OPHN1: variants seen among roughly 807,000 people sequenced by gnomAD.
OPHN1 encodes oligophrenin-1.
OPHN1 carries 11 observed loss-of-function variants against 60.7 expected under a neutral mutation model. The observed-to-expected ratio is 0.18, with a 90% confidence interval of 0.11 to 0.30. The LOEUF (loss-of-function observed/expected upper bound fraction) is 0.30, where lower values mean the gene tolerates loss of function less well. OPHN1 is among the 10% of genes least tolerant of loss of function. The pLI, the probability that OPHN1 is intolerant of heterozygous loss-of-function variation, is 1.00. For synonymous variants in OPHN1, 226 were observed against 222.6 expected (o/e 1.02, Z -0.14); for missense variants, 449 against 611.0 (o/e 0.73, Z 2.80).
rs993515502 is a variant in OPHN1 at position 68,339,743 on chromosome X, T to C, written c.155-40647A>G. On this transcript the variant is annotated intron_variant, in intron 2 of 24. Coordinates refer to ENST00000355520, the MANE Select transcript of OPHN1 (RefSeq NM_002547.3). The stretch of plus-strand genomic sequence containing the variant: ...TCAGCCTCCCAGGTAGCTGGAATTA[T>C]AGGCATGTGCCACCGTGCCCAGCTA... Among the ~76,000 whole-genome samples the C allele has an allele frequency of 2.7e-5, 3 of 111,294 alleles. No homozygotes were observed. The Admixed American group carries it at 2.9e-4, about 11-fold the overall frequency.
intron 15 of OPHN1, among the ~76,000 whole-genome samples, chrX:68,162,395 T>C (rs1000323931): frequency 5.5e-5 from 6 of 110,032 alleles, no homozygotes; most frequent in Admixed American, 9.8e-5. Flanking sequence ...AAATTAATAG[T>C]AATAAAATAA....
chrX:68,304,417 G>C (rs1391074124), intron 2 of OPHN1, among the ~76,000 whole-genome samples: 6 of 110,151 alleles, frequency 5.4e-5, no homozygotes, highest in Non-Finnish European at 1.1e-4. Flanking sequence ...GGTGATTAAT[G>C]ATATAAATGT....
At chrX:68,096,777 C>A in intron 19 of OPHN1, 93 bp downstream of exon 19, 1 of 912,039 alleles carries the variant, frequency 1.1e-6, no homozygotes, top group South Asian at 2.0e-5. Context: ...TCACTGTCAA[C>A]GTGAGCCAAG....
rs745504310 is a variant in OPHN1 at position 68,119,122 on chromosome X, T to C, written c.1361+126A>G. On this transcript the variant is annotated intron_variant, in intron 16 of 24. Transcript: ENST00000355520. ...TGCACATTCTTGGCCAGAAATCCTC[T>C]TCACATGTTTTTTCTTAAGCAATTC... 1.1e-3 allele frequency: 551 copies of C among 509,883 alleles called. 4 individuals are homozygous for C. In the African/African-American group the frequency reaches 0.012, roughly 11 times the overall value. The allele number at this position is 509,883 out of a possible 1,213,427, so 42.0% of individuals were successfully genotyped here. A position where few individuals can be genotyped will look rare whatever the true frequency, so the allele number is the denominator to read the frequency against.
chrX:68,263,034 G>T (rs944700044), intron 5 of OPHN1, among the ~76,000 whole-genome samples: 15 of 112,011 alleles, frequency 1.3e-4, no homozygotes, highest in African/African-American at 4.9e-4. Flanking sequence ...TGTTATAAAA[G>T]ACATGTTGCC....
intron 2 of OPHN1, among the ~76,000 whole-genome samples, chrX:68,409,551 T>C (rs981783884): frequency 2.7e-5 from 3 of 111,908 alleles, no homozygotes; most frequent in African/African-American, 9.7e-5. Context: ...CAGCTGGAGA[T>C]GATCCAGAAA....
chrX:68,192,094 A>G (rs1303854280), intron 15 of OPHN1, among the ~76,000 whole-genome samples: 1 of 111,446 alleles, frequency 9.0e-6, no homozygotes, highest in African/African-American at 3.3e-5. Context: ...AAACATATTA[A>G]AAAAAAAGAA....
chrX:68,142,651 C>T (rs1168968021), intron 15 of OPHN1, among the ~76,000 whole-genome samples: 1 of 112,049 alleles, frequency 8.9e-6, no homozygotes, highest in Admixed American at 9.5e-5. Flanking sequence ...TTTGACTTAA[C>T]CTCTGGGATG....
chrX:68,405,483 G>A (rs1435107771), intron 2 of OPHN1, among the ~76,000 whole-genome samples: 1 of 111,710 alleles, frequency 9.0e-6, no homozygotes, highest in African/African-American at 3.3e-5. Flanking sequence ...GAGCTACCAT[G>A]CCTGGCCCAT....
intron 5 of OPHN1, among the ~76,000 whole-genome samples, chrX:68,260,758 T>G (rs1388720930): frequency 8.9e-6 from 1 of 111,879 alleles, no homozygotes; most frequent in Non-Finnish European, 1.9e-5. Flanking sequence ...TGATCTTCCC[T>G]GCTAATGCAC....
chrX:68,343,688 G>GA lies in OPHN1; in HGVS notation c.155-44593dup, dbSNP rs774860339. On this transcript the variant is annotated intron_variant, in intron 2 of 24. Transcript: ENST00000355520. The stretch of plus-strand genomic sequence containing the variant: ...AAAGTCTCCTTAAGGGGATGATAAT[G>GA]AAAAAAAAAAGGTTGTGAAACACTG... Among the ~76,000 whole-genome samples the GA allele has an allele frequency of 3.9e-4, 41 of 104,771 alleles. 1 individual carries two copies. The highest frequency in any genetic ancestry group is 2.1e-3 in the Admixed American group (20 of 9,654). 91.0% of individuals were successfully genotyped at this position (104,771 alleles called of 115,157 possible). A position where few individuals can be genotyped will look rare whatever the true frequency, so the allele number is the denominator to read the frequency against.
At chrX:68,075,102 G>A (rs1015823867) in intron 19 of OPHN1, among the ~76,000 whole-genome samples, 1 of 112,498 alleles carries the variant, frequency 8.9e-6, no homozygotes, top group African/African-American at 3.2e-5. Flanking sequence ...AAATCCAGCA[G>A]TGAAGGACAG....
chrX:68,078,204 G>T (rs1340058549), intron 19 of OPHN1, among the ~76,000 whole-genome samples: 1 of 111,190 alleles, frequency 9.0e-6, no homozygotes, highest in Non-Finnish European at 1.9e-5. Context: ...ACTGTGGAAG[G>T]GGGGTTGGCA....
chrX:68,297,595 A>C (rs2078101776), intron 3 of OPHN1, among the ~76,000 whole-genome samples: 1 of 112,288 alleles, frequency 8.9e-6, no homozygotes, highest in South Asian at 3.7e-4. Flanking sequence ...GAAATAAGCT[A>C]TATTTCCAAG....
chrX:68,221,625 C>T (rs2147502024), intron 6 of OPHN1, among the ~76,000 whole-genome samples: 1 of 86,645 alleles, frequency 1.2e-5, no homozygotes, highest in South Asian at 7.1e-4. Flanking sequence ...AATAATGCCG[C>T]ATACCTACAA....
intron 12 of OPHN1, among the ~76,000 whole-genome samples, chrX:68,196,027 C>T (rs1848233669): frequency 8.9e-6 from 1 of 112,005 alleles, no homozygotes; most frequent in African/African-American, 3.2e-5. Context: ...TGAAAGAGTT[C>T]AGCAGCAGGT....
chrX:68,104,912 A>G (rs1000864381), intron 18 of OPHN1, among the ~76,000 whole-genome samples: 4 of 111,780 alleles, frequency 3.6e-5, no homozygotes, highest in Non-Finnish European at 7.5e-5. Context: ...ATCTATCCAT[A>G]TGATAAAGGG....
chrX:68,138,966 C>T (rs2077231660), intron 15 of OPHN1, among the ~76,000 whole-genome samples: 1 of 112,125 alleles, frequency 8.9e-6, no homozygotes, highest in Non-Finnish European at 1.9e-5. Context: ...AAACTGAATA[C>T]CACCTCTAAA....
intron 15 of OPHN1, among the ~76,000 whole-genome samples, chrX:68,151,042 G>T (rs2077283456): frequency 8.9e-6 from 1 of 111,750 alleles, no homozygotes; most frequent in African/African-American, 3.3e-5. Flanking sequence ...AGCCAAAAAT[G>T]CAGGACTATG....
Sources: allele counts gnomAD v4.1 joint callset (sites outside exome capture counted in the v4.1 genomes callset), GRCh38; gene constraint gnomAD v4.1.1; transcripts MANE v1.5; gene names NCBI Gene and HGNC (gene_info 2026-07-23, HGNC 2026-07-21).